Variants in DNAI3 observed in about 807,000 individuals in gnomAD.
DNAI3 encodes WD repeat domain 63.
A neutral mutation model predicts 115.5 loss-of-function variants in DNAI3; 83 were observed. The ratio of observed to expected loss-of-function variants is 0.72; its 90% confidence interval spans 0.60 to 0.86. The LOEUF is 0.86. Among genes scored for constraint, DNAI3 ranks in the 40% least tolerant of loss-of-function variants. The pLI is 0.00. For missense variants in DNAI3, 1,004 were observed against 1,075.8 expected, an observed-to-expected ratio of 0.93 and a Z score of 0.93; for synonymous variants, 320 against 347.0, an observed-to-expected ratio of 0.92 and a Z score of 0.86.
intron 16 of DNAI3, among the ~76,000 whole-genome samples, 179 bp downstream of exon 16, chr1:85,110,314 A>G (rs974021308): frequency 6.6e-5 from 10 of 151,562 alleles, no homozygotes; most frequent in African/African-American, 1.7e-4. Context: ...AGCCGGGCTT[A>G]GTGGCGGGCG....
At chr1:85,110,177 C>G (rs369054958) in intron 16 of DNAI3, 42 bp downstream of exon 16, 1 of 1,498,270 alleles carries the variant, frequency 6.7e-7, no homozygotes, top group Non-Finnish European at 9.2e-7. Flanking sequence ...AAAGGCCGGG[C>G]GCGGTGGCTC....
intron 15 of DNAI3, among the ~76,000 whole-genome samples, chr1:85,109,631 G>A (rs1655593969): frequency 6.6e-6 from 1 of 152,220 alleles, no homozygotes. Flanking sequence ...ATGTGTTCCT[G>A]AGAGGACTTG....
In DNAI3 at chr1:85,075,713, GA is replaced by G. The variant is rs1654431363; in HGVS notation, c.103+2623del. On this transcript the variant is annotated intron_variant, in intron 3 of 22. Coordinates refer to ENST00000294664, the MANE Select transcript of DNAI3 (RefSeq NM_145172.5). ...AAGGCAATGCCCAGAGGTTTCTGGAGAATAAATATAATTTTTACACATAGCT... is the reference window on the plus strand; with the variant it reads ...AAGGCAATGCCCAGAGGTTTCTGGAGATAAATATAATTTTTACACATAGCT... 2.0e-5 allele frequency among the ~76,000 whole-genome samples: 3 copies of G among 152,306 alleles called. No homozygotes were observed. The South Asian group carries it at 6.2e-4, about 32-fold the overall frequency.
intron 13 of DNAI3, 115 bp from the exon 14 acceptor site, chr1:85,104,409 C>A: frequency 1.2e-6 from 1 of 847,030 alleles, no homozygotes; most frequent in Non-Finnish European, 1.8e-6. Context: ...GCGTGAGCCA[C>A]TGCCCCCGGC....
intron 15 of DNAI3, among the ~76,000 whole-genome samples, chr1:85,109,065 C>T (rs709760): frequency 0.59 from 89,016 of 151,958 alleles, 26,420 homozygotes; most frequent in African/African-American, 0.66. Context: ...TATTAGACCA[C>T]GGAAAGCTTG....
At chr1:85,098,750 A>G (rs1279476280) in intron 13 of DNAI3, 92 bp downstream of exon 13, 7 of 1,539,320 alleles carry the variant, frequency 4.5e-6, no homozygotes, top group Non-Finnish European at 4.4e-6. Flanking sequence ...CAATTCATTT[A>G]CACTTAAATT....
chr1:85,114,788 C>T (rs906174908), intron 16 of DNAI3, among the ~76,000 whole-genome samples: 11 of 152,154 alleles, frequency 7.2e-5, no homozygotes, highest in Non-Finnish European at 1.5e-4. Context: ...CACAAGTCCT[C>T]GCTATCCCAC....
In DNAI3 at chr1:85,133,093, C is replaced by A; in HGVS notation, c.*95C>A. 1 of 1,283,088 alleles carries A rather than the reference C, an allele frequency of 7.8e-7. No individual in the cohort carries two copies. Among genetic ancestry groups the A allele is most frequent in the Middle Eastern group, 2.0e-4 (1 of 5,062 alleles). The allele number at this position is 1,283,088 out of a possible 1,614,324, so 79.5% of individuals were successfully genotyped here. A position where few individuals can be genotyped will look rare whatever the true frequency, so the allele number is the denominator to read the frequency against. On this transcript the variant is annotated 3_prime_UTR_variant, in exon 23 of 23. Transcript: ENST00000294664. ...TGCTGAACATATATATATATAGGCT[C>A]ATTTATAGACTTTTATTTCCCTGCT... is the stretch of plus-strand genomic sequence containing the variant.
Position 85,094,530 on chromosome 1 carries a change from G to A in DNAI3, c.1148G>A (p.Ser383Asn). ...CAGCCATCACTGATTCTTTTCTGGA[G>A]CTTCTCTGATCCTATACATCCTCAG... ...LLQPSLILFW[S>N]FSDPIHPQLM... The change falls in exon 10 of 23, where the codon AGC (serine) becomes AAC (asparagine). Residue 383 changes from serine (S) to asparagine (N), a missense_variant. Ser to Asn is a conservative substitution (Grantham distance 46, BLOSUM62 1). This residue lies in a region of DNAI3 where 550 missense variants were observed against 568.1 expected (regional missense o/e 0.97). Transcript: ENST00000294664. 1 of 1,614,128 alleles carries A rather than the reference G, an allele frequency of 6.2e-7. No homozygotes were observed. Among genetic ancestry groups the A allele is most frequent in the Non-Finnish European group, 8.5e-7 (1 of 1,180,028 alleles).
At chr1:85,085,673 G>T (rs889991293) in intron 6 of DNAI3, among the ~76,000 whole-genome samples, 158 bp from the exon 7 acceptor site, 3 of 152,200 alleles carry the variant, frequency 2.0e-5, no homozygotes, top group Non-Finnish European at 4.4e-5. Flanking sequence ...CTCCAAAGAG[G>T]AGGAGCGGGT....
intron 3 of DNAI3, among the ~76,000 whole-genome samples, chr1:85,077,383 G>A (rs1654491264): frequency 6.6e-6 from 1 of 152,100 alleles, no homozygotes; most frequent in Admixed American, 6.5e-5. Context: ...AAATCTTTGT[G>A]ACCTTGGAGT....
intron 13 of DNAI3, among the ~76,000 whole-genome samples, chr1:85,102,402 C>T (rs539682934): frequency 1.1e-4 from 16 of 151,460 alleles, no homozygotes; most frequent in Non-Finnish European, 8.8e-5. Context: ...AATATTTGTA[C>T]CAAATATGGT....
chr1:85,117,782 C>T lies in DNAI3; in HGVS notation c.1840C>T (p.His614Tyr). 6.2e-7 allele frequency: 1 copy of T among 1,613,928 alleles called. No homozygotes were observed. Among genetic ancestry groups the T allele is most frequent in the South Asian group, 1.1e-5 (1 of 91,066 alleles). The change falls in exon 17 of 23, where the codon CAT (histidine) becomes TAT (tyrosine). Residue 614 changes from histidine (H) to tyrosine (Y), a missense_variant. By Grantham distance (83) the His-to-Tyr change is moderately conservative (BLOSUM62 2). Around this residue, in one of 3 missense-constraint regions of DNAI3, gnomAD observed 429 missense variants for 454.3 expected, o/e 0.94. Coordinates refer to ENST00000294664, the MANE Select transcript of DNAI3 (RefSeq NM_145172.5). ...TEKAEEMNPY[H>Y]NLESGMANLL... is the part of the protein sequence containing the mutation. ...GAAGGCAGAAGAAATGAACCCGTAT[C>T]ATAATCTGGAAAGTGGGATGGCCAA...
At chr1:85,080,197 G>C (rs938974248) in intron 3 of DNAI3, among the ~76,000 whole-genome samples, 3 of 151,530 alleles carry the variant, frequency 2.0e-5, no homozygotes, top group Non-Finnish European at 4.4e-5. Flanking sequence ...GACTACAGGC[G>C]CGTGCCACCA....
chr1:85,130,460 G>A (rs1284751476), intron 22 of DNAI3, among the ~76,000 whole-genome samples: 3 of 152,268 alleles, frequency 2.0e-5, no homozygotes, highest in African/African-American at 7.2e-5. Context: ...ATCAAGACAC[G>A]TGGGCTCAAA....
At chr1:85,077,325 C>A (rs552536507) in intron 3 of DNAI3, among the ~76,000 whole-genome samples, 1 of 152,074 alleles carries the variant, frequency 6.6e-6, no homozygotes, top group Non-Finnish European at 1.5e-5. Flanking sequence ...AATCATAGAC[C>A]TAAAGGTAAA....
rs957064882 is a variant in DNAI3, at chr1:85,111,822, G to T, written c.1786+1687G>T. ...ATTGACATACAATGAACTGCATATT[G>T]TCAAAGTGTTTAATTTGATATGCTT... On this transcript the variant is annotated intron_variant, in intron 16 of 22. Coordinates refer to ENST00000294664, the MANE Select transcript of DNAI3 (RefSeq NM_145172.5). 6.6e-5 allele frequency among the ~76,000 whole-genome samples: 10 copies of T among 152,198 alleles called. 1 individual carries two copies. The highest frequency in any genetic ancestry group is 5.9e-5 in the Non-Finnish European group (4 of 67,996).
chr1:85,063,737 G>A (rs892619744), intron 1 of DNAI3, among the ~76,000 whole-genome samples: 5 of 152,210 alleles, frequency 3.3e-5, no homozygotes, highest in Admixed American at 3.3e-4. Context: ...CATTTTTGGA[G>A]AGCTCTGAGG....
In DNAI3 at chr1:85,110,708, A is replaced by G. The variant is rs1276916318; in HGVS notation, c.1786+573A>G. ...TTGAGCACATTTATGTGTCTTCAAA[A>G]ACTCATTACATTAAAATAAAATGAA... On this transcript the variant is annotated intron_variant, in intron 16 of 22. Transcript: ENST00000294664. Among the ~76,000 whole-genome samples the G allele has an allele frequency of 2.0e-5, 3 of 152,138 alleles. No individual in the cohort carries two copies. In the East Asian group the frequency reaches 5.8e-4, roughly 29 times the overall value.
Sources: allele counts gnomAD v4.1 joint callset (sites outside exome capture counted in the v4.1 genomes callset), GRCh38; gene constraint gnomAD v4.1.1; regional missense constraint gnomAD v4.1.1; transcripts MANE v1.5; gene names NCBI Gene and HGNC (gene_info 2026-07-23, HGNC 2026-07-21).